The following PHLDB2 variants were observed in gnomAD, a reference collection of about 807,000 sequenced individuals.
PHLDB2 encodes the protein pleckstrin homology like domain family B member 2.
Under a neutral mutation model 123.6 loss-of-function variants are expected in PHLDB2, and 71 were observed. That is an observed-to-expected ratio of 0.57 (90% CI 0.47 to 0.70). The LOEUF (loss-of-function observed/expected upper bound fraction) is 0.70, where lower values mean the gene tolerates loss of function less well. Among genes scored for constraint, PHLDB2 ranks in the 30% least tolerant of loss-of-function variants. PHLDB2 has a pLI of 0.00. For synonymous variants in PHLDB2, 547 were observed against 541.6 expected (o/e 1.01, Z -0.14); for missense variants, 1,446 against 1,519.5 (o/e 0.95, Z 0.80).
At chr3:111,765,104 G>A (rs2108025712) in intron 1 of PHLDB2, among the ~76,000 whole-genome samples, 1 of 152,284 alleles carries the variant, frequency 6.6e-6, no homozygotes, top group Non-Finnish European at 1.5e-5. Context: ...GGCTTCCAAG[G>A]AGTATTAGAG....
intron 1 of PHLDB2, among the ~76,000 whole-genome samples, chr3:111,803,410 C>G (rs2061450641): frequency 6.6e-6 from 1 of 152,166 alleles, no homozygotes; most frequent in Non-Finnish European, 1.5e-5. Context: ...CCAGTTGAAA[C>G]TTCCCGGGAG....
At chr3:111,932,502 A>T in intron 6 of PHLDB2, 105 bp downstream of exon 6, 1 of 1,223,610 alleles carries the variant, frequency 8.2e-7, no homozygotes, top group South Asian at 1.6e-5. Context: ...ATAAGTTTGC[A>T]TAAGTTCTAG....
At chr3:111,740,419 G>A (rs953442394) in intron 1 of PHLDB2, among the ~76,000 whole-genome samples, 9 of 152,054 alleles carry the variant, frequency 5.9e-5, no homozygotes, top group Non-Finnish European at 1.0e-4. Flanking sequence ...GGTAATTTTC[G>A]AGGTACATGA....
intron 1 of PHLDB2, among the ~76,000 whole-genome samples, chr3:111,829,503 T>C (rs1254976221): frequency 6.9e-6 from 1 of 144,884 alleles, no homozygotes; most frequent in African/African-American, 2.5e-5. Flanking sequence ...GTCTTGCTAT[T>C]ACCAGGCTGG....
In PHLDB2 at chr3:111,732,809, G is replaced by T. The variant is rs1258003261; in HGVS notation, c.-49+106G>T. ...TCTGAGGAGGGTCTGCTGGAGATAT[G>T]GTAGACCCGGGTGTGTGTCTGAATT... On this transcript the variant is annotated intron_variant, in intron 1 of 17. Transcript: ENST00000393923. The T allele has an allele frequency of 1.1e-5, 10 of 886,150 alleles. No individual in the cohort carries two copies. In the East Asian group the frequency reaches 2.7e-4, roughly 24 times the overall value. 54.9% of individuals were successfully genotyped at this position (886,150 alleles called of 1,614,324 possible).
chr3:111,927,240 T>TGAC (rs10650954), intron 5 of PHLDB2, among the ~76,000 whole-genome samples: 127,255 of 151,708 alleles, frequency 0.84, 53,987 homozygotes, highest in Middle Eastern at 0.91. Flanking sequence ...CCCTTAAAAA[T>TGAC]GACTGGCCAG....
chr3:111,855,506 T>C (rs898046965), upstream of PHLDB2, among the ~76,000 whole-genome samples: 23 of 6,050 alleles, frequency 3.8e-3, no homozygotes, highest in South Asian at 0.1. Context: ...TTCCTTCTTT[T>C]CTTTCCTTTC....
At chr3:111,740,066 G>A (rs978806156) in intron 1 of PHLDB2, among the ~76,000 whole-genome samples, 1 of 152,048 alleles carries the variant, frequency 6.6e-6, no homozygotes, top group Non-Finnish European at 1.5e-5. Context: ...AAGGCAGCCC[G>A]GGCAGTACAA....
At position 111,953,620 on chromosome 3, in the gene PHLDB2, C is replaced by T. The variant is rs568133874; in HGVS notation, c.2773-310C>T. ...ATGCATTCTTGGCCCTGCATCTGCC[C>T]TCTGCTCCTTATGCATGAAGAACTT... On this transcript the variant is annotated intron_variant, in intron 11 of 17. Coordinates refer to ENST00000431670, the MANE Select transcript of PHLDB2 (RefSeq NM_001134438.2). Among the ~76,000 whole-genome samples, 7 of 152,282 alleles carry T rather than the reference C, an allele frequency of 4.6e-5. No homozygotes were observed. The South Asian group carries it at 1.2e-3, about 27-fold the overall frequency.
intron 1 of PHLDB2, among the ~76,000 whole-genome samples, chr3:111,739,621 G>A (rs905901659): frequency 4.1e-5 from 6 of 147,408 alleles, no homozygotes; most frequent in Admixed American, 1.4e-4. Context: ...AATGGTCACA[G>A]GCTACAGAAA....
intron 9 of PHLDB2, among the ~76,000 whole-genome samples, chr3:111,948,623 TA>T (rs1157980974): frequency 6.6e-6 from 1 of 152,216 alleles, no homozygotes; most frequent in Non-Finnish European, 1.5e-5. Flanking sequence ...TTGACAACCT[TA>T]ATCCATCAAC....
At chr3:111,808,038 T>C (rs1169005952) in intron 1 of PHLDB2, among the ~76,000 whole-genome samples, 1 of 149,908 alleles carries the variant, frequency 6.7e-6, no homozygotes, top group East Asian at 2.0e-4. Context: ...GTGTTAAAAA[T>C]TACCAATGCC....
At chr3:111,952,362 T>C (rs1451196140) in intron 10 of PHLDB2, among the ~76,000 whole-genome samples, 1 of 152,206 alleles carries the variant, frequency 6.6e-6, no homozygotes, top group African/African-American at 2.4e-5. Context: ...TTTTTAAAGA[T>C]TTCTAGGTTC....
intron 1 of PHLDB2, among the ~76,000 whole-genome samples, chr3:111,839,480 G>A (rs746600197): frequency 6.6e-6 from 1 of 152,064 alleles, no homozygotes. Flanking sequence ...TGCTATTCTT[G>A]CAGCTTTTAA....
At chr3:111,856,960 G>T (rs1172357540), upstream of PHLDB2, among the ~76,000 whole-genome samples, 1 of 152,198 alleles carries the variant, frequency 6.6e-6, no homozygotes, top group African/African-American at 2.4e-5. Context: ...TTTAAGTAGA[G>T]TGGTCAGAGC....
At chr3:111,781,796 A>T (rs77268465) in intron 1 of PHLDB2, among the ~76,000 whole-genome samples, 4 of 152,128 alleles carry the variant, frequency 2.6e-5, no homozygotes, top group Non-Finnish European at 1.5e-5. Context: ...TTTGGGGGAA[A>T]GGTGTTTTTT....
At chr3:111,847,422 A>C (rs545503678) in intron 2 of PHLDB2, among the ~76,000 whole-genome samples, 1 of 152,292 alleles carries the variant, frequency 6.6e-6, no homozygotes, top group East Asian at 1.9e-4. Context: ...AGAACTTAAA[A>C]TTTTAAGTAC....
chr3:111,796,595 A>T (rs750458421), intron 1 of PHLDB2, among the ~76,000 whole-genome samples: 3 of 152,106 alleles, frequency 2.0e-5, no homozygotes, highest in Non-Finnish European at 4.4e-5. Flanking sequence ...GTGCAGTGGC[A>T]TGATCTTGGC....
intron 1 of PHLDB2, among the ~76,000 whole-genome samples, chr3:111,882,157 C>T (rs2065963505): frequency 6.6e-6 from 1 of 151,982 alleles, no homozygotes; most frequent in Non-Finnish European, 1.5e-5. Context: ...TTAATTTTTT[C>T]CCTATTATTT....
Sources: gnomAD v4.1 joint callset for allele counts (sites outside exome capture counted in the v4.1 genomes callset) on GRCh38, gnomAD v4.1.1 for gene constraint, MANE v1.5 for transcripts, NCBI Gene and HGNC (gene_info 2026-07-23, HGNC 2026-07-21) for gene names.